CTNND2: variants seen among roughly 807,000 people sequenced by gnomAD.
CTNND2 encodes catenin delta-2.
CTNND2 carries 22 observed loss-of-function variants against 144.4 expected under a neutral mutation model. That is an observed-to-expected ratio of 0.15 (90% CI 0.11 to 0.22). CTNND2 has a LOEUF of 0.22. CTNND2 is among the 10% of genes least tolerant of loss of function. The pLI, the probability that CTNND2 is intolerant of heterozygous loss-of-function variation, is 1.00. For synonymous variants in CTNND2, 751 were observed against 695.6 expected, an observed-to-expected ratio of 1.08 and a Z score of -1.25; for missense variants, 1,353 against 1,618.8, an observed-to-expected ratio of 0.84 and a Z score of 2.82.
intron 8 of CTNND2, among the ~76,000 whole-genome samples, chr5:11,352,643 C>G (rs1755442892): frequency 6.6e-6 from 1 of 152,106 alleles, no homozygotes; most frequent in African/African-American, 2.4e-5. Flanking sequence ...GGTGACTATA[C>G]TTATCTTAAC....
Position 11,903,500 on chromosome 5 carries a change from G to T in CTNND2, c.37+317C>A. On this transcript the variant is annotated intron_variant, in intron 1 of 21. Coordinates refer to ENST00000304623, the MANE Select transcript of CTNND2 (RefSeq NM_001332.4). This position sits in a 1 kb window ranked among gnomAD's most constrained non-coding sequence, Gnocchi z 5.4. ...CCGAGTATGTTCTCAGGGTGGCGGG[G>T]AGCAGCATTGTCGGTGTTGCCCTAA... The T allele has an allele frequency of 1.5e-6, 1 of 679,262 alleles. No individual in the cohort carries two copies. The highest frequency in any genetic ancestry group is 2.1e-6 in the Non-Finnish European group (1 of 486,540). The allele number at this position is 679,262 out of a possible 1,614,324, so 42.1% of individuals were successfully genotyped here.
At chr5:11,233,614 C>T (rs983004686) in intron 10 of CTNND2, among the ~76,000 whole-genome samples, 1 of 152,106 alleles carries the variant, frequency 6.6e-6, no homozygotes, top group African/African-American at 2.4e-5. Context: ...GACAGGCAGC[C>T]ATCTGTCACA....
chr5:11,179,346 C>CA lies in CTNND2; in HGVS notation c.1976-19588dup, dbSNP rs199823654. On this transcript the variant is annotated intron_variant, in intron 11 of 21. Coordinates refer to ENST00000304623, the MANE Select transcript of CTNND2 (RefSeq NM_001332.4). ...AAAAAACAAAAACAAAAACAAAAAA[C>CA]AAAAAAACATAAAACAGAGCACTGT... Among the ~76,000 whole-genome samples the CA allele has an allele frequency of 4.5e-3, 676 of 151,900 alleles. 7 individuals carry two copies. The highest frequency in any genetic ancestry group is 0.015 in the African/African-American group (638 of 41,412).
At chr5:11,789,549 A>G (rs945122169) in intron 1 of CTNND2, among the ~76,000 whole-genome samples, 1 of 152,146 alleles carries the variant, frequency 6.6e-6, no homozygotes, top group African/African-American at 2.4e-5. Context: ...GCTGGTATAG[A>G]GGAAAGCTAT....
At chr5:11,070,543 G>A (rs1748147102) in intron 16 of CTNND2, among the ~76,000 whole-genome samples, 1 of 152,150 alleles carries the variant, frequency 6.6e-6, no homozygotes, top group African/African-American at 2.4e-5. Flanking sequence ...AAAGTGAGAT[G>A]GGGTAGAGGA....
intron 2 of CTNND2, among the ~76,000 whole-genome samples, chr5:11,623,002 A>G (rs548855224): frequency 6.6e-6 from 1 of 152,246 alleles, no homozygotes; most frequent in South Asian, 2.1e-4. Flanking sequence ...TTTTGGTACC[A>G]TAAGAGGACA....
intron 10 of CTNND2, among the ~76,000 whole-genome samples, chr5:11,228,914 T>C (rs73743719): frequency 6.6e-6 from 1 of 152,190 alleles, no homozygotes; most frequent in South Asian, 2.1e-4. Context: ...AAATGTTTTA[T>C]AGCAGTTAGG....
At chr5:11,729,501 G>T (rs1787214955) in intron 2 of CTNND2, among the ~76,000 whole-genome samples, 1 of 152,044 alleles carries the variant, frequency 6.6e-6, no homozygotes, top group Non-Finnish European at 1.5e-5. Context: ...AATTCTCATG[G>T]ATTTTTTCCC....
rs919497221 is a variant in CTNND2 at position 11,302,297 on chromosome 5, C to T, written c.1628+44075G>A. Among the ~76,000 whole-genome samples the T allele has an allele frequency of 8.5e-5, 13 of 152,162 alleles. 1 individual carries two copies. Among genetic ancestry groups the T allele is most frequent in the Admixed American group, 7.2e-4 (11 of 15,286 alleles). ...CAGCCACTCCCAATCAGGAAGACCG[C>T]GGGGACAGGGAGAGATCCAGGGAAT... is the stretch of plus-strand genomic sequence containing the variant. On this transcript the variant is annotated intron_variant, in intron 9 of 21. Transcript: ENST00000304623.
intron 3 of CTNND2, among the ~76,000 whole-genome samples, chr5:11,489,458 T>A (rs1333174594): frequency 7.2e-5 from 11 of 152,214 alleles, no homozygotes; most frequent in Admixed American, 7.2e-4. Context: ...CACAGTTTGC[T>A]AGAATTTCTT....
chr5:11,775,697 C>T (rs1474958294), intron 1 of CTNND2, among the ~76,000 whole-genome samples: 5 of 152,182 alleles, frequency 3.3e-5, no homozygotes, highest in South Asian at 2.1e-4. Flanking sequence ...CTCTGGGCCC[C>T]GGAAGGGACT....
chr5:11,267,186 G>T (rs550596799), intron 9 of CTNND2, among the ~76,000 whole-genome samples: 21 of 152,222 alleles, frequency 1.4e-4, no homozygotes, highest in Non-Finnish European at 2.2e-4. Context: ...ACCTGAAGCT[G>T]ACTTTCCATG....
chr5:11,579,765 G>A (rs1013821024), intron 2 of CTNND2, among the ~76,000 whole-genome samples: 3 of 152,046 alleles, frequency 2.0e-5, no homozygotes, highest in Non-Finnish European at 2.9e-5. Flanking sequence ...GCCTTTTTAG[G>A]AACAACCAAA....
intron 9 of CTNND2, among the ~76,000 whole-genome samples, chr5:11,312,138 TC>T (rs1248549732): frequency 1.9e-5 from 1 of 53,832 alleles, no homozygotes; most frequent in Non-Finnish European, 3.8e-5. Context: ...ATACATCCTC[TC>T]CCCCACCACA....
intron 16 of CTNND2, among the ~76,000 whole-genome samples, chr5:11,038,544 G>T (rs986649746): frequency 6.6e-6 from 1 of 152,188 alleles, no homozygotes; most frequent in African/African-American, 2.4e-5. Flanking sequence ...TTGGCTTAGG[G>T]AATCCCAACT....
chr5:11,187,215 A>G (rs1421813493), intron 11 of CTNND2, among the ~76,000 whole-genome samples: 1 of 152,164 alleles, frequency 6.6e-6, no homozygotes, highest in Non-Finnish European at 1.5e-5. Flanking sequence ...TTACCATAGC[A>G]CAACTAACTA....
At chr5:11,607,797 G>A (rs1016261103) in intron 2 of CTNND2, among the ~76,000 whole-genome samples, 12 of 152,048 alleles carry the variant, frequency 7.9e-5, no homozygotes, top group Non-Finnish European at 8.8e-5. Flanking sequence ...CTGTGAACAC[G>A]GCAGGTATCA....
chr5:11,122,899 GGACCAGAGACCA>G (rs1754287990), intron 12 of CTNND2, among the ~76,000 whole-genome samples: 2 of 152,068 alleles, frequency 1.3e-5, no homozygotes, highest in South Asian at 4.1e-4. Context: ...ATGATGGCAT[GGACCAGAGACCA>G]GACCCGACCC....
At chr5:11,474,018 C>T (rs1051664418) in intron 3 of CTNND2, among the ~76,000 whole-genome samples, 3 of 152,156 alleles carry the variant, frequency 2.0e-5, no homozygotes, top group African/African-American at 7.2e-5. Context: ...TAATCGAGAG[C>T]CTGAAGCATG....
Sources: allele counts gnomAD v4.1 joint callset (sites outside exome capture counted in the v4.1 genomes callset), GRCh38; gene constraint gnomAD v4.1.1; non-coding constraint Gnocchi (gnomAD v3.1); transcripts MANE v1.5; gene names NCBI Gene and HGNC (gene_info 2026-07-23, HGNC 2026-07-21).